PIEZO2: variants seen among roughly 807,000 people sequenced by gnomAD.
PIEZO2 encodes the protein piezo-type mechanosensitive ion channel component 2.
A neutral mutation model predicts 337.3 loss-of-function variants in PIEZO2; 172 were observed. The observed-to-expected ratio is 0.51, with a 90% CI of 0.45 to 0.58. The LOEUF is 0.58. Among genes scored for constraint, PIEZO2 ranks in the 20% least tolerant of loss-of-function variants. The pLI is 0.00. For synonymous variants in PIEZO2, 1,251 were observed against 1,228.5 expected (o/e 1.02, Z -0.38); for missense variants, 3,028 against 3,391.3 (o/e 0.89, Z 2.66).
intron 39 of PIEZO2, among the ~76,000 whole-genome samples, chr18:10,712,436 G>A (rs2035857749): frequency 6.6e-6 from 1 of 152,190 alleles, no homozygotes. Flanking sequence ...TCAATAGATA[G>A]GGAGACGATT....
chr18:10,805,926 C>T (rs1261693603), intron 8 of PIEZO2, among the ~76,000 whole-genome samples: 1 of 152,254 alleles, frequency 6.6e-6, no homozygotes, highest in East Asian at 1.9e-4. Flanking sequence ...TGCAGTTTTA[C>T]AGTCACTATC....
At chr18:11,059,665 A>AT (rs2037866144) in intron 2 of PIEZO2, among the ~76,000 whole-genome samples, 1 of 152,242 alleles carries the variant, frequency 6.6e-6, no homozygotes, top group East Asian at 1.9e-4. Flanking sequence ...AAAGAAGGCC[A>AT]TTACATAATG....
At chr18:11,062,011 C>T (rs1439164245) in intron 2 of PIEZO2, among the ~76,000 whole-genome samples, 2 of 152,176 alleles carry the variant, frequency 1.3e-5, no homozygotes, top group Non-Finnish European at 2.9e-5. Context: ...TCGAACTATA[C>T]TACAAGGCTA....
chr18:10,679,288 T>A (rs372777906), intron 52 of PIEZO2, among the ~76,000 whole-genome samples: 24 of 152,288 alleles, frequency 1.6e-4, no homozygotes, highest in African/African-American at 5.1e-4. Context: ...AGTTGTAAAA[T>A]TCCCCCAGAC....
chr18:11,019,866 T>C (rs2036250849), intron 2 of PIEZO2, among the ~76,000 whole-genome samples: 1 of 152,216 alleles, frequency 6.6e-6, no homozygotes, highest in African/African-American at 2.4e-5. Context: ...GAATTGATTG[T>C]TTATTAGCTC....
Position 10,917,648 on chromosome 18 carries a change from C to T in PIEZO2, c.287-6420G>A, listed in dbSNP as rs370316913. 7.2e-4 allele frequency among the ~76,000 whole-genome samples: 110 copies of T among 152,278 alleles called. No individual in the cohort carries two copies. In the South Asian group the frequency reaches 0.02, roughly 28 times the overall value. On this transcript the variant is annotated intron_variant, in intron 3 of 55. Transcript: ENST00000674853. ...AGTTTTTCATGAAGCATGTCTCAGC[C>T]GCTGAGAGCCACCTGAATGTGGACC...
In PIEZO2 at chr18:10,967,832, G is replaced by T. The variant is rs543923111; in HGVS notation, c.286+11703C>A. Reference sequence around the variant, plus strand: ...TTTGTCTGAGTTCCTTATAGATTCTGGTTATTAGTCTTTTGTCAGATGTGT... The same window carrying T: ...TTTGTCTGAGTTCCTTATAGATTCTTGTTATTAGTCTTTTGTCAGATGTGT... On this transcript the variant is annotated intron_variant, in intron 3 of 55. Coordinates refer to ENST00000674853, the MANE Select transcript of PIEZO2 (RefSeq NM_001378183.1). Among the ~76,000 whole-genome samples, 9 of 152,164 alleles carry T rather than the reference G, an allele frequency of 5.9e-5. No individual in the cohort carries two copies. The South Asian group carries it at 1.7e-3, about 28-fold the overall frequency.
chr18:10,859,668 G>C lies in PIEZO2; in HGVS notation c.493-2457C>G, dbSNP rs903710678. Among the ~76,000 whole-genome samples, 4 of 152,260 alleles carry C rather than the reference G, an allele frequency of 2.6e-5. No individual in the cohort carries two copies. The highest frequency in any genetic ancestry group is 5.9e-5 in the Non-Finnish European group (4 of 68,054). ...TCTCTTAAGGTGAAACACTCCAGCA[G>C]AGTGGGCTGGACTCACCATTCCATT... On this transcript the variant is annotated intron_variant, in intron 5 of 55. Transcript: ENST00000674853. The surrounding 1 kb of genome is among the most constrained non-coding windows in gnomAD (Gnocchi z 4.9).
chr18:11,040,728 A>G (rs2037092052), intron 2 of PIEZO2, among the ~76,000 whole-genome samples: 1 of 152,140 alleles, frequency 6.6e-6, no homozygotes, highest in Non-Finnish European at 1.5e-5. Flanking sequence ...AATGTGGGCG[A>G]AAAAAGTGTA....
At chr18:10,771,959 C>T (rs2038617601) in intron 20 of PIEZO2, among the ~76,000 whole-genome samples, 1 of 152,188 alleles carries the variant, frequency 6.6e-6, no homozygotes, top group East Asian at 1.9e-4. Flanking sequence ...TCTAATGGCT[C>T]CAAGTGAAAG....
chr18:10,800,856 TG>T (rs2039788040), intron 10 of PIEZO2, among the ~76,000 whole-genome samples: 1 of 152,212 alleles, frequency 6.6e-6, no homozygotes, highest in Admixed American at 6.5e-5. Context: ...TCCATCTATA[TG>T]GGACTCTAGA....
At chr18:11,024,162 C>T (rs372293047) in intron 2 of PIEZO2, among the ~76,000 whole-genome samples, 6 of 152,306 alleles carry the variant, frequency 3.9e-5, no homozygotes, top group Non-Finnish European at 7.3e-5. Context: ...GCAGAGGCAC[C>T]GAAAGCGAGC....
In PIEZO2 at chr18:10,740,999, G is replaced by A. The variant is rs375986658; in HGVS notation, c.4708+32C>T. Reference sequence around the variant, plus strand: ...GGTCAAGGATATAAGGGTTAGAGTCGATGAGGTTGTAAGGGGATCGAGAAA... The same window carrying A: ...GGTCAAGGATATAAGGGTTAGAGTCAATGAGGTTGTAAGGGGATCGAGAAA... On this transcript the variant is annotated intron_variant, in intron 33 of 55. Transcript: ENST00000674853. 5.0e-5 allele frequency: 77 copies of A among 1,529,786 alleles called. 1 individual carries two copies. The East Asian group carries it at 6.1e-4, about 12-fold the overall frequency. The allele number at this position is 1,529,786 out of a possible 1,614,324, so 94.8% of individuals were successfully genotyped here.
intron 36 of PIEZO2, among the ~76,000 whole-genome samples, chr18:10,720,234 G>GCA (rs1555631512): frequency 8.3e-6 from 1 of 119,920 alleles, no homozygotes; most frequent in African/African-American, 3.3e-5. Flanking sequence ...GTGTGTGTGT[G>GCA]TATATATATA....
chr18:10,715,558 C>A, intron 38 of PIEZO2, 92 bp downstream of exon 38: 5 of 1,209,496 alleles, frequency 4.1e-6, no homozygotes, highest in Non-Finnish European at 5.5e-6. Context: ...AAAGAAAGGG[C>A]TTTGTCTTAT....
At chr18:10,883,882 C>T (rs2042497881) in intron 4 of PIEZO2, among the ~76,000 whole-genome samples, 1 of 144,356 alleles carries the variant, frequency 6.9e-6, no homozygotes, top group South Asian at 2.2e-4. Flanking sequence ...ACGATCTTGG[C>T]TCACTGCAAA....
At chr18:10,925,238 T>C (rs1292613928) in intron 3 of PIEZO2, among the ~76,000 whole-genome samples, 3 of 152,238 alleles carry the variant, frequency 2.0e-5, no homozygotes, top group Admixed American at 2.0e-4. Context: ...CCTGAGAACA[T>C]TGCATATTTC....
Position 10,851,817 on chromosome 18 carries a change from A to C in PIEZO2, c.917+3536T>G, listed in dbSNP as rs1268804568. Reference sequence around the variant, plus strand: ...TGACTTCTTGAAAGAACTGTGACAAAGAGCATATGGTTCTCAAAGCCTTAA... The same window carrying C: ...TGACTTCTTGAAAGAACTGTGACAACGAGCATATGGTTCTCAAAGCCTTAA... On this transcript the variant is annotated intron_variant, in intron 7 of 55. Transcript: ENST00000674853. 6.6e-5 allele frequency among the ~76,000 whole-genome samples: 10 copies of C among 152,276 alleles called. No homozygotes were observed. In the East Asian group the frequency reaches 1.9e-3, roughly 29 times the overall value.
intron 14 of PIEZO2, among the ~76,000 whole-genome samples, chr18:10,790,810 G>C (rs1598484222): frequency 6.6e-6 from 1 of 150,452 alleles, no homozygotes; most frequent in Non-Finnish European, 1.5e-5. Flanking sequence ...GGTTCACACC[G>C]TTCTCTTCCT....
Sources: allele counts gnomAD v4.1 joint callset (sites outside exome capture counted in the v4.1 genomes callset), GRCh38; gene constraint gnomAD v4.1.1; non-coding constraint Gnocchi (gnomAD v3.1); transcripts MANE v1.5; gene names NCBI Gene and HGNC (gene_info 2026-07-23, HGNC 2026-07-21).